GRAP2: variants seen among roughly 807,000 people sequenced by gnomAD.
GRAP2 encodes the protein GRB2 related adaptor protein 2.
Under a neutral mutation model 43.5 loss-of-function variants are expected in GRAP2, and 31 were observed. That is an observed-to-expected ratio of 0.71 (90% CI 0.54 to 0.96). The LOEUF is 0.96. Ranked by LOEUF, GRAP2 falls within the 40% of genes least tolerant of loss-of-function variation. GRAP2 has a pLI of 0.00. For missense variants in GRAP2, 371 were observed against 424.4 expected (o/e 0.87, Z 1.11); for synonymous variants, 156 against 164.8 (o/e 0.95, Z 0.41).
At chr22:39,947,895 C>A (rs1484355696) in intron 2 of GRAP2, 1 of 152,278 alleles carries the variant, frequency 6.6e-6, no homozygotes, top group Non-Finnish European at 1.5e-5. Context: ...AGAGCATAAG[C>A]CCTTCAAAAG....
intron 2 of GRAP2, among the ~76,000 whole-genome samples, chr22:39,954,049 C>A (rs1185652747): frequency 2.0e-5 from 3 of 152,220 alleles, no homozygotes; most frequent in Non-Finnish European, 4.4e-5. Flanking sequence ...CACACCACAC[C>A]TCCTCAGAGC....
intron 1 of GRAP2, among the ~76,000 whole-genome samples, chr22:39,946,175 G>A (rs2066920836): frequency 6.6e-6 from 1 of 152,110 alleles, no homozygotes; most frequent in South Asian, 2.1e-4. Context: ...TCTATAATTT[G>A]ATTTAACCTT....
upstream of GRAP2, among the ~76,000 whole-genome samples, chr22:39,897,515 CTTTTTTTTTTTTT>C (rs368180670): frequency 7.8e-6 from 1 of 127,650 alleles, no homozygotes; most frequent in Non-Finnish European, 1.7e-5. Context: ...AAAGTAGCCT[CTTTTTTTTTTTTT>C]TTTTTTTTGA....
chr22:39,921,809 T>G (rs964212450), intron 1 of GRAP2, among the ~76,000 whole-genome samples: 16 of 152,322 alleles, frequency 1.1e-4, no homozygotes, highest in African/African-American at 2.9e-4. Flanking sequence ...TATTTATTTA[T>G]TTAGTTATTT....
chr22:39,946,772 T>G (rs777630771), intron 1 of GRAP2: 15 of 269,838 alleles, frequency 5.6e-5, no homozygotes, highest in Non-Finnish European at 8.6e-5. Context: ...CTTCCCTCCT[T>G]ATCAGCTGCA....
intron 1 of GRAP2, chr22:39,926,815 C>T: frequency 1.0e-6 from 1 of 983,578 alleles, no homozygotes; most frequent in Non-Finnish European, 1.2e-6. Context: ...ACCCTGATCA[C>T]TGCCAATTAG....
At chr22:39,951,371 G>A (rs1264751709) in intron 2 of GRAP2, among the ~76,000 whole-genome samples, 1 of 152,156 alleles carries the variant, frequency 6.6e-6, no homozygotes, top group Non-Finnish European at 1.5e-5. Context: ...CTTCTGTAAT[G>A]CAGCTAATGC....
intron 3 of GRAP2, 122 bp downstream of exon 3, chr22:39,956,032 C>G (rs746793375): frequency 1.5e-5 from 10 of 645,686 alleles, no homozygotes; most frequent in Non-Finnish European, 2.9e-5. Context: ...CTCTGGAGCT[C>G]TCTCCGGAGA....
At chr22:39,903,778 G>A (rs141809174) in intron 1 of GRAP2, among the ~76,000 whole-genome samples, 26 of 152,070 alleles carry the variant, frequency 1.7e-4, no homozygotes, top group African/African-American at 6.3e-4. Context: ...CACCTGGCCT[G>A]CCCTTTCTTT....
In GRAP2 at chr22:39,966,029, C is replaced by A; in HGVS notation, c.330C>A (p.Asp110Glu). The A allele has an allele frequency of 6.2e-7, 1 of 1,614,010 alleles. No individual in the cohort carries two copies. Among genetic ancestry groups the A allele is most frequent in the Non-Finnish European group, 8.5e-7 (1 of 1,179,858 alleles). The change falls in exon 5 of 8, where the codon GAC becomes GAA. Residue 110 changes from aspartate (D) to glutamate (E), a missense_variant. Transcript: ENST00000344138. ...TTCAACACTTCAAGGTCATGCGAGA[C>A]AACAAGGGTAATTACTTTCTGTGGA... ...DDVQHFKVMR[D>E]NKGNYFLWTE...
intron 1 of GRAP2, among the ~76,000 whole-genome samples, chr22:39,913,778 C>T (rs1022788899): frequency 6.6e-6 from 1 of 152,212 alleles, no homozygotes; most frequent in Non-Finnish European, 1.5e-5. Context: ...AGATTATCTA[C>T]GCTTCAACTT....
chr22:39,941,361 G>A (rs2066869044), intron 1 of GRAP2, among the ~76,000 whole-genome samples: 1 of 152,158 alleles, frequency 6.6e-6, no homozygotes, highest in Non-Finnish European at 1.5e-5. Flanking sequence ...CTCAGGAAGT[G>A]GCACATTTTG....
intron 3 of GRAP2, among the ~76,000 whole-genome samples, chr22:39,957,683 C>A (rs986420295): frequency 6.6e-6 from 1 of 152,184 alleles, no homozygotes; most frequent in Non-Finnish European, 1.5e-5. Flanking sequence ...GCCTGTAATC[C>A]CAGTCCTTTG....
chr22:39,896,928 G>A (rs530599186), upstream of GRAP2, among the ~76,000 whole-genome samples: 14 of 152,114 alleles, frequency 9.2e-5, no homozygotes, highest in South Asian at 1.0e-3. Context: ...CTGACTTCCC[G>A]GACACCATTT....
intron 1 of GRAP2, among the ~76,000 whole-genome samples, chr22:39,912,698 C>T (rs747243619): frequency 2.6e-5 from 4 of 152,168 alleles, no homozygotes; most frequent in Non-Finnish European, 4.4e-5. Flanking sequence ...CGACCATAAA[C>T]CATAGAATGC....
At chr22:39,962,445 A>T (rs1029180246) in intron 4 of GRAP2, among the ~76,000 whole-genome samples, 5 of 152,046 alleles carry the variant, frequency 3.3e-5, no homozygotes, top group African/African-American at 1.2e-4. Flanking sequence ...AATTATTTAC[A>T]TATATTATAT....
At position 39,901,137 on chromosome 22, in the gene GRAP2, G is replaced by A. The variant is rs1601681274; in HGVS notation, c.-208G>A. The stretch of plus-strand genomic sequence containing the variant: ...GGAGGAGGGAGTAAGAGGTGGGGAG[G>A]AGGAGGCACAGTTAATGGATCTGTA... On this transcript the variant is annotated 5_prime_UTR_variant, in exon 1 of 8. Transcript: ENST00000344138. 3 of 437,724 alleles carry A rather than the reference G, an allele frequency of 6.9e-6. No individual in the cohort carries two copies. The highest frequency in any genetic ancestry group is 1.7e-5 in the South Asian group (1 of 57,922). The allele number at this position is 437,724 out of a possible 1,614,324, so 27.1% of individuals were successfully genotyped here. A position where few individuals can be genotyped will look rare whatever the true frequency, so the allele number is the denominator to read the frequency against.
intron 2 of GRAP2, among the ~76,000 whole-genome samples, chr22:39,953,582 G>C (rs2067013429): frequency 6.6e-6 from 1 of 152,070 alleles, no homozygotes; most frequent in Non-Finnish European, 1.5e-5. Flanking sequence ...TTCACATTCT[G>C]ATCTCTGATA....
intron 2 of GRAP2, among the ~76,000 whole-genome samples, chr22:39,951,234 T>C (rs1171207870): frequency 6.6e-6 from 1 of 152,190 alleles, no homozygotes; most frequent in Non-Finnish European, 1.5e-5. Flanking sequence ...AATCAGATTT[T>C]TTTCCTATTC....
Sources: allele counts gnomAD v4.1 joint callset (sites outside exome capture counted in the v4.1 genomes callset), GRCh38; gene constraint gnomAD v4.1.1; transcripts MANE v1.5; gene names NCBI Gene and HGNC (gene_info 2026-07-23, HGNC 2026-07-21).